ZDHHC17: variants seen among roughly 807,000 people sequenced by gnomAD.
The protein encoded by ZDHHC17 is zDHHC palmitoyltransferase 17.
In ZDHHC17, 40 loss-of-function variants were observed where a neutral mutation model predicts 90.3. That is an observed-to-expected ratio of 0.44 (90% CI 0.34 to 0.58). ZDHHC17 has a LOEUF of 0.58. Ranked by LOEUF, ZDHHC17 falls within the 20% of genes least tolerant of loss-of-function variation. The pLI, the probability that ZDHHC17 is intolerant of heterozygous loss-of-function variation, is 0.01. For synonymous variants in ZDHHC17, 235 were observed against 252.4 expected (o/e 0.93, Z 0.65); for missense variants, 614 against 780.8 (o/e 0.79, Z 2.55).
intron 10 of ZDHHC17, chr12:76,840,877 G>C (rs894168132): frequency 6.6e-6 from 1 of 152,064 alleles, no homozygotes; most frequent in Non-Finnish European, 1.5e-5. Context: ...TACATGTTAC[G>C]TTGGCACCTT....
At chr12:76,796,217 A>G (rs1426847154) in intron 1 of ZDHHC17, among the ~76,000 whole-genome samples, 2 of 152,146 alleles carry the variant, frequency 1.3e-5, no homozygotes, top group Non-Finnish European at 2.9e-5. Flanking sequence ...GAGAGCATAT[A>G]TTGTTCTAAG....
chr12:76,789,707 G>GAA (rs766139991), intron 1 of ZDHHC17, among the ~76,000 whole-genome samples: 1 of 146,832 alleles, frequency 6.8e-6, no homozygotes, highest in Non-Finnish European at 1.5e-5. Context: ...AAAGAAATCC[G>GAA]AAAAAAAAAA....
intron 5 of ZDHHC17, among the ~76,000 whole-genome samples, chr12:76,814,807 T>C (rs1357119376): frequency 1.3e-5 from 2 of 152,028 alleles, no homozygotes; most frequent in African/African-American, 2.4e-5. Flanking sequence ...CGTTCTCTCT[T>C]ATGCATTAGT....
chr12:76,767,389 T>G (rs1952443314), intron 1 of ZDHHC17, among the ~76,000 whole-genome samples: 2 of 152,254 alleles, frequency 1.3e-5, no homozygotes, highest in Non-Finnish European at 2.9e-5. Context: ...CTCTTATTAG[T>G]ATGCAAACTG....
intron 8 of ZDHHC17, among the ~76,000 whole-genome samples, chr12:76,823,114 C>A (rs187665198): frequency 0.011 from 1,688 of 152,210 alleles, 12 homozygotes; most frequent in Non-Finnish European, 0.017. Flanking sequence ...TACTCGTGTA[C>A]ATTTTGGTTC....
intron 1 of ZDHHC17, among the ~76,000 whole-genome samples, chr12:76,772,414 A>T (rs779582844): frequency 2.6e-5 from 4 of 152,128 alleles, no homozygotes; most frequent in African/African-American, 4.8e-5. Context: ...GACATTCTAC[A>T]CTAGCGTGGT....
chr12:76,795,990 AT>A (rs1952815137), intron 1 of ZDHHC17, among the ~76,000 whole-genome samples: 1 of 152,188 alleles, frequency 6.6e-6, no homozygotes, highest in Non-Finnish European at 1.5e-5. Flanking sequence ...GAAAGATTAT[AT>A]GCTAAGCAGA....
intron 9 of ZDHHC17, 125 bp downstream of exon 9, chr12:76,827,175 C>G: frequency 9.0e-7 from 1 of 1,112,570 alleles, no homozygotes; most frequent in Non-Finnish European, 1.2e-6. Flanking sequence ...ATTTAGACAT[C>G]TGTATGTGAA....
intron 2 of ZDHHC17, among the ~76,000 whole-genome samples, chr12:76,801,556 AAGC>A (rs1388676171): frequency 6.6e-6 from 1 of 152,060 alleles, no homozygotes; most frequent in East Asian, 2.0e-4. Context: ...CGGGAGGCTG[AAGC>A]AGGAGAATGG....
chr12:76,836,276 A>C (rs939223678), intron 10 of ZDHHC17, among the ~76,000 whole-genome samples: 1 of 151,900 alleles, frequency 6.6e-6, no homozygotes, highest in South Asian at 2.1e-4. Flanking sequence ...TTGTAAAATC[A>C]TTTTACCTGG....
At chr12:76,804,439 A>C (rs1952930426) in intron 2 of ZDHHC17, among the ~76,000 whole-genome samples, 3 of 152,236 alleles carry the variant, frequency 2.0e-5, no homozygotes, top group Admixed American at 2.0e-4. Flanking sequence ...TAAATAGAAA[A>C]GAGAAGGGAA....
chr12:76,796,045 T>C (rs1315735807), intron 1 of ZDHHC17, among the ~76,000 whole-genome samples: 1 of 152,192 alleles, frequency 6.6e-6, no homozygotes, highest in Non-Finnish European at 1.5e-5. Flanking sequence ...ATTGAAAATA[T>C]TCAGATTGAT....
intron 1 of ZDHHC17, among the ~76,000 whole-genome samples, chr12:76,777,077 T>G (rs985739572): frequency 6.6e-5 from 10 of 152,128 alleles, no homozygotes; most frequent in African/African-American, 2.2e-4. Context: ...GATAGGATAG[T>G]ATATAATAGC....
At chr12:76,824,013 T>G (rs1953198286) in intron 8 of ZDHHC17, among the ~76,000 whole-genome samples, 1 of 152,178 alleles carries the variant, frequency 6.6e-6, no homozygotes, top group African/African-American at 2.4e-5. Context: ...AATCTTGTGT[T>G]ACTTTGGAAA....
At chr12:76,776,577 A>G (rs10778910) in intron 1 of ZDHHC17, among the ~76,000 whole-genome samples, 92,988 of 152,016 alleles carry the variant, frequency 0.61, 28,488 homozygotes, top group East Asian at 0.68. Flanking sequence ...ATTTTAGCAC[A>G]TAACGATCTT....
At chr12:76,803,764 G>A (rs1952921449) in intron 2 of ZDHHC17, among the ~76,000 whole-genome samples, 1 of 152,160 alleles carries the variant, frequency 6.6e-6, no homozygotes. Context: ...ATGAATTTAA[G>A]GCCCGAAACC....
At chr12:76,801,044 C>T (rs1456972941) in intron 2 of ZDHHC17, among the ~76,000 whole-genome samples, 5 of 151,542 alleles carry the variant, frequency 3.3e-5, no homozygotes, top group African/African-American at 4.8e-5. Context: ...TGCACCACCA[C>T]GCCCAGCTAA....
At chr12:76,824,592 T>A (rs1489204134) in intron 8 of ZDHHC17, among the ~76,000 whole-genome samples, 1 of 152,154 alleles carries the variant, frequency 6.6e-6, no homozygotes, top group Non-Finnish European at 1.5e-5. Flanking sequence ...GACTCAATAG[T>A]GTTTTATTTT....
chr12:76,780,745 T>G (rs1481141550), intron 1 of ZDHHC17, among the ~76,000 whole-genome samples: 1 of 152,204 alleles, frequency 6.6e-6, no homozygotes, highest in East Asian at 1.9e-4. Flanking sequence ...TTGATCTCTC[T>G]TTGATAAACT....
Sources: gnomAD v4.1 joint callset for allele counts (sites outside exome capture counted in the v4.1 genomes callset) on GRCh38, gnomAD v4.1.1 for gene constraint, MANE v1.5 for transcripts, NCBI Gene and HGNC (gene_info 2026-07-23, HGNC 2026-07-21) for gene names.